The following RPS6KC1 variants were observed in gnomAD, a reference collection of about 807,000 sequenced individuals.
RPS6KC1 encodes the protein inactive ribosomal protein S6 kinase delta-1.
In RPS6KC1, 54 loss-of-function variants were observed where a neutral mutation model predicts 103.8. The observed-to-expected ratio is 0.52, with a 90% CI of 0.42 to 0.65. The LOEUF is 0.65. RPS6KC1 is among the 30% of genes least tolerant of loss of function. The pLI, the probability that RPS6KC1 is intolerant of heterozygous loss-of-function variation, is 0.00. For synonymous variants in RPS6KC1, 439 were observed against 438.7 expected (o/e 1.00, Z -0.01); for missense variants, 1,151 against 1,253.8 (o/e 0.92, Z 1.24).
the RPS6KC1 span, among the ~76,000 whole-genome samples, chr1:213,453,867 C>T: frequency 6.6e-6 from 1 of 151,998 alleles, no homozygotes; most frequent in Non-Finnish European, 1.5e-5. Flanking sequence ...GTGGCAGGTC[C>T]GCTTATACAT....
chr1:213,358,243 G>A, the RPS6KC1 span, among the ~76,000 whole-genome samples: 1 of 152,106 alleles, frequency 6.6e-6, no homozygotes, highest in Non-Finnish European at 1.5e-5. Flanking sequence ...GGTAGAATTC[G>A]GCTGTGAATC....
At chr1:213,390,815 G>C in the RPS6KC1 span, among the ~76,000 whole-genome samples, 2 of 152,160 alleles carry the variant, frequency 1.3e-5, no homozygotes, top group Non-Finnish European at 2.9e-5. Context: ...CAGACCTAGA[G>C]CAAAGCTGGA....
chr1:213,847,383 C>T, the RPS6KC1 span, among the ~76,000 whole-genome samples: 1 of 152,146 alleles, frequency 6.6e-6, no homozygotes, highest in African/African-American at 2.4e-5. Flanking sequence ...ATGAATACCA[C>T]GCCTCCATCT....
the RPS6KC1 span, among the ~76,000 whole-genome samples, chr1:213,814,063 A>G: frequency 6.6e-6 from 1 of 152,254 alleles, no homozygotes; most frequent in Non-Finnish European, 1.5e-5. Flanking sequence ...TCAGTTTTAT[A>G]CAGAATTAGA....
chr1:213,659,059 G>A, the RPS6KC1 span, among the ~76,000 whole-genome samples: 1 of 151,946 alleles, frequency 6.6e-6, no homozygotes, highest in Non-Finnish European at 1.5e-5. Flanking sequence ...CCGCCTCCTG[G>A]GTTCAAGCGA....
At chr1:213,068,871 ATATGTG>A (rs1212154855) in intron 1 of RPS6KC1, among the ~76,000 whole-genome samples, 212 of 93,784 alleles carry the variant, frequency 2.3e-3, no homozygotes, top group Non-Finnish European at 2.8e-3. Context: ...AAAAGTGTAT[ATATGTG>A]TGTGTGTGTG....
intron 6 of RPS6KC1, among the ~76,000 whole-genome samples, chr1:213,139,822 T>TCAGGCTCTTTTCTTATTC (rs1420914627): frequency 6.6e-6 from 1 of 152,082 alleles, no homozygotes; most frequent in African/African-American, 2.4e-5. Context: ...CTTTGGCTAT[T>TCAGGCTCTTTTCTTATTC]CAGGCTCTTT....
chr1:213,074,959 TCTC>T (rs1486219588), intron 2 of RPS6KC1, among the ~76,000 whole-genome samples: 1 of 147,378 alleles, frequency 6.8e-6, no homozygotes, highest in African/African-American at 2.5e-5. Flanking sequence ...TTCATGCCGT[TCTC>T]CTGCCTCAGC....
the RPS6KC1 span, among the ~76,000 whole-genome samples, chr1:213,327,236 AAAAGAAAGAAAGAAAG>A: frequency 6.9e-6 from 1 of 144,586 alleles, no homozygotes; most frequent in African/African-American, 2.6e-5. Context: ...GAAAGAAAAG[AAAAGAAAGAAAGAAAG>A]AAAGAAAGAA....
intron 1 of RPS6KC1, among the ~76,000 whole-genome samples, chr1:213,063,729 G>A (rs935275335): frequency 6.6e-6 from 1 of 152,146 alleles, no homozygotes; most frequent in Non-Finnish European, 1.5e-5. Context: ...GATTTACTAG[G>A]CATATTAATG....
At chr1:213,645,541 G>T in the RPS6KC1 span, among the ~76,000 whole-genome samples, 1 of 152,138 alleles carries the variant, frequency 6.6e-6, no homozygotes, top group African/African-American at 2.4e-5. Flanking sequence ...TGTCTCTGGG[G>T]TTGTAATCCC....
the RPS6KC1 span, among the ~76,000 whole-genome samples, chr1:213,837,669 G>A: frequency 6.6e-6 from 1 of 151,970 alleles, no homozygotes; most frequent in Non-Finnish European, 1.5e-5. Flanking sequence ...TTACAGCTGA[G>A]TGTGTGTGTG....
chr1:213,780,017 T>G, the RPS6KC1 span, among the ~76,000 whole-genome samples: 1 of 152,152 alleles, frequency 6.6e-6, no homozygotes, highest in Non-Finnish European at 1.5e-5. Flanking sequence ...AGACAGAACA[T>G]GCTCCCTATT....
chr1:213,162,750 G>A (rs1247424534), intron 6 of RPS6KC1, among the ~76,000 whole-genome samples: 1 of 152,194 alleles, frequency 6.6e-6, no homozygotes, highest in Non-Finnish European at 1.5e-5. Context: ...TTTGTTTTCA[G>A]TTAGTGTTAC....
chr1:213,667,535 CTGG>C, the RPS6KC1 span, among the ~76,000 whole-genome samples: 1 of 152,148 alleles, frequency 6.6e-6, no homozygotes, highest in African/African-American at 2.4e-5. Flanking sequence ...AATCTTTTTG[CTGG>C]TGGAAGGTCT....
chr1:213,425,840 G>A, the RPS6KC1 span, among the ~76,000 whole-genome samples: 1 of 152,094 alleles, frequency 6.6e-6, no homozygotes, highest in Non-Finnish European at 1.5e-5. Flanking sequence ...CTGCTGCTGC[G>A]GTGGCGGTGG....
chr1:213,226,329 C>G (rs2093962322), intron 8 of RPS6KC1, among the ~76,000 whole-genome samples: 1 of 152,030 alleles, frequency 6.6e-6, no homozygotes. Flanking sequence ...ATTGAGCTCT[C>G]CTTTGCAGAA....
the RPS6KC1 span, among the ~76,000 whole-genome samples, chr1:213,412,121 A>G: frequency 1.3e-5 from 2 of 152,152 alleles, no homozygotes; most frequent in African/African-American, 4.8e-5. Flanking sequence ...TCTGCTCCCC[A>G]TCATATTGTC....
At chr1:213,642,243 T>C in the RPS6KC1 span, among the ~76,000 whole-genome samples, 1 of 152,116 alleles carries the variant, frequency 6.6e-6, no homozygotes, top group Non-Finnish European at 1.5e-5. Flanking sequence ...CCATCCCTGG[T>C]CCACCTACTG....
Sources: allele counts gnomAD v4.1 joint callset (sites outside exome capture counted in the v4.1 genomes callset), GRCh38; gene constraint gnomAD v4.1.1; transcripts MANE v1.5; gene names NCBI Gene and HGNC (gene_info 2026-07-23, HGNC 2026-07-21).